FGD4: variants seen among roughly 807,000 people sequenced by gnomAD.
FGD4 encodes FYVE, RhoGEF and PH domain containing 4, also known as FYVE, RhoGEF and PH domain-containing protein 4.
FGD4 carries 42 observed loss-of-function variants against 102.0 expected under a neutral mutation model. The observed-to-expected ratio is 0.41, with a 90% confidence interval of 0.32 to 0.53. The LOEUF (loss-of-function observed/expected upper bound fraction) is 0.53. FGD4 is among the 20% of genes least tolerant of loss of function. FGD4 has a pLI of 0.21. For synonymous variants in FGD4, 380 were observed against 375.7 expected (o/e 1.01, Z -0.13); for missense variants, 902 against 1,078.2 (o/e 0.84, Z 2.29).
chr12:32,638,861 CG>C, intron 16 of FGD4, 66 bp downstream of exon 16: 1 of 1,609,348 alleles, frequency 6.2e-7, no homozygotes. Flanking sequence ...GAGTGGACAG[CG>C]GACTCAAAAT....
In FGD4 at chr12:32,636,738, G is replaced by C. The variant is rs76316367; in HGVS notation, c.2314-1917G>C. On this transcript the variant is annotated intron_variant, in intron 15 of 16. Coordinates refer to ENST00000534526, the MANE Select transcript of FGD4 (RefSeq NM_001370298.3). Reference sequence around the variant, plus strand: ...CATTTGCAGACCTGGAGACCAACATGAATAACACTGAGTAGCACTACCTGA... The same window carrying C: ...CATTTGCAGACCTGGAGACCAACATCAATAACACTGAGTAGCACTACCTGA... 9.8e-3 allele frequency among the ~76,000 whole-genome samples: 1,492 copies of C among 152,124 alleles called. 23 individuals carry two copies. The highest frequency in any genetic ancestry group is 0.035 in the East Asian group (181 of 5,168).
At chr12:32,436,745 C>G (rs1942244143) in intron 1 of FGD4, among the ~76,000 whole-genome samples, 1 of 152,140 alleles carries the variant, frequency 6.6e-6, no homozygotes. Flanking sequence ...TCATTAGCAG[C>G]TTGGTGTGTT....
In FGD4 at chr12:32,620,085, C is replaced by A. The variant is rs12312688; in HGVS notation, c.1922+215C>A. 0.15 allele frequency among the ~76,000 whole-genome samples: 22,865 copies of A among 152,124 alleles called. 1,981 individuals carry two copies. The highest frequency in any genetic ancestry group is 0.26 in the Middle Eastern group (76 of 294). On this transcript the variant is annotated intron_variant, in intron 11 of 16. Transcript: ENST00000534526. ...AGTGCCTAGGACAGTGGTTTGTAGA[C>A]AATAAGCATTCAGTAAATTGATTAA...
intron 1 of FGD4, among the ~76,000 whole-genome samples, chr12:32,536,394 AT>A (rs1256183974): frequency 1.3e-5 from 2 of 152,258 alleles, no homozygotes; most frequent in African/African-American, 4.8e-5. Flanking sequence ...AGTTGAAGTC[AT>A]TTATTTCAAA....
chr12:32,517,405 TA>T (rs911664835), intron 1 of FGD4, among the ~76,000 whole-genome samples: 11 of 151,578 alleles, frequency 7.3e-5, no homozygotes, highest in African/African-American at 2.7e-4. Context: ...GGTCAAAGTC[TA>T]AAAAAAAATT....
intron 1 of FGD4, among the ~76,000 whole-genome samples, chr12:32,451,522 A>G (rs1942774306): frequency 6.6e-6 from 1 of 152,152 alleles, no homozygotes; most frequent in Non-Finnish European, 1.5e-5. Flanking sequence ...TATATCAAAG[A>G]GATCACCATT....
At chr12:32,634,968 C>T (rs1950712088) in intron 15 of FGD4, among the ~76,000 whole-genome samples, 1 of 145,494 alleles carries the variant, frequency 6.9e-6, no homozygotes, top group Admixed American at 6.9e-5. Context: ...AGCCTGGTGA[C>T]AGAGCTAGAC....
chr12:32,608,649 T>TA (rs1013057011), intron 8 of FGD4, among the ~76,000 whole-genome samples: 3 of 152,250 alleles, frequency 2.0e-5, no homozygotes, highest in African/African-American at 4.8e-5. Context: ...GGGGTTTTTT[T>TA]AAAGGCTTAT....
intron 1 of FGD4, among the ~76,000 whole-genome samples, chr12:32,436,705 A>G (rs1942241610): frequency 6.6e-6 from 1 of 152,168 alleles, no homozygotes; most frequent in South Asian, 2.1e-4. Context: ...TTTGGTTATG[A>G]CACTAGGTCC....
intron 1 of FGD4, among the ~76,000 whole-genome samples, chr12:32,443,060 T>C (rs967383411): frequency 6.6e-6 from 1 of 152,238 alleles, no homozygotes. Context: ...TCTTTATGCA[T>C]TTTGGATTTA....
At chr12:32,440,700 G>A (rs1016232305) in intron 1 of FGD4, among the ~76,000 whole-genome samples, 2 of 152,226 alleles carry the variant, frequency 1.3e-5, no homozygotes, top group African/African-American at 4.8e-5. Context: ...TCAAGGCCCT[G>A]GGTCTCTGCA....
At chr12:32,453,211 TA>T (rs1352079990) in intron 1 of FGD4, among the ~76,000 whole-genome samples, 8 of 66,892 alleles carry the variant, frequency 1.2e-4, no homozygotes, top group Admixed American at 5.8e-4. Context: ...TATATATATA[TA>T]TATATATAAT....
At chr12:32,614,863 A>T (rs907897261) in intron 10 of FGD4, among the ~76,000 whole-genome samples, 4 of 152,110 alleles carry the variant, frequency 2.6e-5, no homozygotes, top group African/African-American at 9.7e-5. Context: ...GTTGAAATAA[A>T]TTTTTTCTTT....
At chr12:32,456,041 A>C (rs1942940231) in intron 1 of FGD4, among the ~76,000 whole-genome samples, 2 of 152,182 alleles carry the variant, frequency 1.3e-5, no homozygotes, top group African/African-American at 4.8e-5. Context: ...GCTGTTGTGT[A>C]AAACCCTGCA....
chr12:32,534,589 C>A, intron 1 of FGD4: 1 of 760,408 alleles, frequency 1.3e-6, no homozygotes. Context: ...GTAAAAGTGG[C>A]AGAGTTTGGT....
Position 32,633,632 on chromosome 12 carries a change from T to C in FGD4, c.2256T>C (p.Tyr752=). The C allele has an allele frequency of 6.2e-7, 1 of 1,612,090 alleles. No individual in the cohort carries two copies. The highest frequency in any genetic ancestry group is 1.7e-5 in the Admixed American group (1 of 60,018). The part of the protein sequence containing the change: ...GKLSKVCKDC[Y]QIISGFTDSE... Reference sequence around the variant, plus strand: ...TGAGCAAAGTTTGTAAAGACTGTTATCAAATCATAAGTGGATTCACAGACA... The same window carrying C: ...TGAGCAAAGTTTGTAAAGACTGTTACCAAATCATAAGTGGATTCACAGACA... Residue 752 remains tyrosine (Y), a synonymous_variant, in exon 15 of 17, where the codon TAT becomes TAC. Transcript: ENST00000534526.
Position 32,602,398 on chromosome 12 carries a change from C to T in FGD4, c.1404+81C>T, listed in dbSNP as rs1948485118. The T allele has an allele frequency of 1.2e-5, 19 of 1,543,866 alleles. No homozygotes were observed. The South Asian group carries it at 1.9e-4, about 16-fold the overall frequency. ...AGTCTTCTATATCTAAAACTGAGAT[C>T]TAGAGATCTGTCTGAGATACCTAGC... On this transcript the variant is annotated intron_variant, in intron 7 of 16. Coordinates refer to ENST00000534526, the MANE Select transcript of FGD4 (RefSeq NM_001370298.3).
chr12:32,519,455 C>A (rs561352153), intron 1 of FGD4, among the ~76,000 whole-genome samples: 59 of 152,202 alleles, frequency 3.9e-4, no homozygotes, highest in African/African-American at 1.4e-3. Flanking sequence ...CTTATTTCTG[C>A]AAGTACACTC....
intron 1 of FGD4, chr12:32,534,551 C>A: frequency 9.2e-7 from 1 of 1,083,222 alleles, no homozygotes; most frequent in South Asian, 2.0e-5. Flanking sequence ...CAGCGTGGGT[C>A]ACTTTATAAC....
Sources: gnomAD v4.1 joint callset for allele counts (sites outside exome capture counted in the v4.1 genomes callset) on GRCh38, gnomAD v4.1.1 for gene constraint, MANE v1.5 for transcripts, NCBI Gene and HGNC (gene_info 2026-07-23, HGNC 2026-07-21) for gene names.